ACAD10: variants seen among roughly 807,000 people sequenced by gnomAD.
ACAD10 encodes ACAD-10.
In ACAD10, 112 loss-of-function variants were observed where a neutral mutation model predicts 116.8. That is an observed-to-expected ratio of 0.96 (90% CI 0.82 to 1.12). The LOEUF (loss-of-function observed/expected upper bound fraction) is 1.12, where lower values mean the gene tolerates loss of function less well. ACAD10 is among the 50% of genes most tolerant of loss of function. The pLI, the probability that ACAD10 is intolerant of heterozygous loss-of-function variation, is 0.00. For synonymous variants in ACAD10, 486 were observed against 510.6 expected, an observed-to-expected ratio of 0.95 and a Z score of 0.65; for missense variants, 1,259 against 1,350.2, an observed-to-expected ratio of 0.93 and a Z score of 1.06.
chr12:111,755,996 A>G, intron 20 of ACAD10: 2 of 743,842 alleles, frequency 2.7e-6, no homozygotes, highest in Admixed American at 2.9e-5. Context: ...TGAGCTTGCA[A>G]GTAGCTGACC....
At chr12:111,713,647 A>G (rs1027769099) in intron 6 of ACAD10, among the ~76,000 whole-genome samples, 4 of 151,238 alleles carry the variant, frequency 2.6e-5, no homozygotes, top group African/African-American at 9.7e-5. Context: ...GAAAAGAAAA[A>G]AAAAAAGGGC....
At chr12:111,749,869 G>A (rs1890022599) in intron 18 of ACAD10, 1 of 151,498 alleles carries the variant, frequency 6.6e-6, no homozygotes, top group African/African-American at 2.4e-5. Context: ...CCACCTCCCG[G>A]GTTCAAGCAA....
chr12:111,719,458 C>T (rs688920), intron 7 of ACAD10, among the ~76,000 whole-genome samples: 54,358 of 151,786 alleles, frequency 0.36, 14,263 homozygotes, highest in East Asian at 0.9. Flanking sequence ...TTCACCACTT[C>T]GGCCAGGATG....
chr12:111,724,586 C>T (rs1159806604), intron 8 of ACAD10, among the ~76,000 whole-genome samples: 3 of 152,194 alleles, frequency 2.0e-5, no homozygotes, highest in East Asian at 1.9e-4. Flanking sequence ...GCGGATCACT[C>T]GCGGTTAGGG....
intron 8 of ACAD10, among the ~76,000 whole-genome samples, chr12:111,724,324 G>A (rs1480968689): frequency 6.6e-6 from 1 of 151,926 alleles, no homozygotes; most frequent in African/African-American, 2.4e-5. Flanking sequence ...TTCCAGACTG[G>A]GCAGCCAGGC....
chr12:111,704,688 C>CTTTTTTTTTTTTTTTTTTTT (rs59745029), intron 3 of ACAD10, among the ~76,000 whole-genome samples: 2 of 126,154 alleles, frequency 1.6e-5, no homozygotes, highest in African/African-American at 3.1e-5. Context: ...TTCTTTCTTT[C>CTTTTTTTTTTTTTTTTTTTT]TTTTTTTTTT....
intron 13 of ACAD10, 108 bp downstream of exon 13, chr12:111,745,151 G>T (rs960652605): frequency 8.2e-7 from 1 of 1,216,904 alleles, no homozygotes; most frequent in Non-Finnish European, 1.1e-6. Flanking sequence ...CAGGAGCTCC[G>T]AGTTGAATGA....
chr12:111,692,735 C>T lies in ACAD10; in HGVS notation c.26C>T (p.Ser9Phe), dbSNP rs1224836028. The T allele has an allele frequency of 4.3e-6, 7 of 1,613,992 alleles. No homozygotes were observed. The highest frequency in any genetic ancestry group is 1.7e-4 in the Middle Eastern group (1 of 6,022). Residue 9 changes from serine (S) to phenylalanine (F), a missense_variant, in exon 2 of 21, where the codon TCC (serine) becomes TTC (phenylalanine). By Grantham distance (155) the Ser-to-Phe change is radical. Transcript: ENST00000313698. ...ATGTGTGTCAGGAGCTGTTTCCAGTCCCCCCGTCTCCAGTGGGTGTGGAGA... is the reference window on the plus strand; with the variant it reads ...ATGTGTGTCAGGAGCTGTTTCCAGTTCCCCCGTCTCCAGTGGGTGTGGAGA... MCVRSCFQ[S>F]PRLQWVWRTA...
In ACAD10 at chr12:111,721,712, A is replaced by G. The variant is rs765886252; in HGVS notation, c.1034A>G (p.Asn345Ser). 14 of 1,603,230 alleles carry G rather than the reference A, an allele frequency of 8.7e-6. No homozygotes were observed. The highest frequency in any genetic ancestry group is 1.2e-5 in the Non-Finnish European group (14 of 1,171,798). ...ALANAGVPVP[N>S]VLDLCEDSSV... ...GCAAATGCTGGAGTACCTGTCCCTA[A>G]CGTTCTTGATCTCTGTGAAGATTCA... Residue 345 changes from asparagine to serine, a missense_variant, in exon 8 of 21, where the codon AAC becomes AGC. By Grantham distance (46) the Asn-to-Ser change is conservative. Transcript: ENST00000313698.
At chr12:111,704,706 G>A (rs892552803) in intron 3 of ACAD10, among the ~76,000 whole-genome samples, 1 of 33,976 alleles carries the variant, frequency 2.9e-5, no homozygotes, top group Non-Finnish European at 5.4e-5. Context: ...TTTTTTTTTT[G>A]AGACGGAGTC....
intron 2 of ACAD10, among the ~76,000 whole-genome samples, chr12:111,694,931 G>A (rs1220426311): frequency 3.3e-5 from 5 of 152,090 alleles, no homozygotes; most frequent in African/African-American, 1.2e-4. Context: ...GAGGGGCTGC[G>A]GTGGGAGGAA....
intron 7 of ACAD10, among the ~76,000 whole-genome samples, chr12:111,721,395 G>A (rs1218493846): frequency 6.6e-6 from 1 of 152,022 alleles, no homozygotes. Context: ...TGGTGAAACC[G>A]CGTCTCTACT....
At chr12:111,744,575 A>C in intron 12 of ACAD10, 68 bp from the exon 13 acceptor site, 1 of 1,543,306 alleles carries the variant, frequency 6.5e-7, no homozygotes, top group Non-Finnish European at 8.8e-7. Flanking sequence ...TGACAGTGTC[A>C]TCACATGTTA....
chr12:111,751,275 C>G (rs1322909389), intron 18 of ACAD10, among the ~76,000 whole-genome samples: 1 of 152,040 alleles, frequency 6.6e-6, no homozygotes, highest in East Asian at 1.9e-4. Context: ...GAAATCTATT[C>G]CTTAACATGG....
chr12:111,753,484 T>C, intron 18 of ACAD10: 1 of 628,100 alleles, frequency 1.6e-6, no homozygotes, highest in Non-Finnish European at 3.0e-6. Context: ...CCTGCCCAGA[T>C]GTGCAATGGC....
chr12:111,715,663 G>T (rs549127851), intron 6 of ACAD10, 158 bp from the exon 7 acceptor site: 2 of 920,592 alleles, frequency 2.2e-6, no homozygotes, highest in Admixed American at 5.5e-5. Context: ...CTGGGACTCA[G>T]TCACTCCTAG....
At chr12:111,713,274 G>A (rs1263227730) in intron 6 of ACAD10, among the ~76,000 whole-genome samples, 1 of 151,516 alleles carries the variant, frequency 6.6e-6, no homozygotes, top group Admixed American at 6.6e-5. Context: ...TCGTGCTACT[G>A]CACTCCAGCC....
At chr12:111,746,109 C>T in intron 13 of ACAD10, 35 bp from the exon 14 acceptor site, 1 of 1,598,830 alleles carries the variant, frequency 6.3e-7, no homozygotes, top group South Asian at 1.1e-5. Context: ...TGAAATCTTC[C>T]ACTGTGGTTT....
At chr12:111,748,223 C>T in intron 16 of ACAD10, 94 bp from the exon 17 acceptor site, 1 of 1,494,404 alleles carries the variant, frequency 6.7e-7, no homozygotes, top group Non-Finnish European at 9.2e-7. Context: ...TGTCTGCTTC[C>T]TTACTGTGCC....
Sources: gnomAD v4.1 joint callset for allele counts (sites outside exome capture counted in the v4.1 genomes callset) on GRCh38, gnomAD v4.1.1 for gene constraint, MANE v1.5 for transcripts, NCBI Gene and HGNC (gene_info 2026-07-23, HGNC 2026-07-21) for gene names.